Variants in MACROD2 observed in about 807,000 individuals in gnomAD.
MACROD2 encodes ADP-ribose glycohydrolase MACROD2.
Under a neutral mutation model 70.4 loss-of-function variants are expected in MACROD2, and 36 were observed. The ratio of observed to expected loss-of-function variants is 0.51; its 90% CI spans 0.39 to 0.68. The LOEUF is 0.68. MACROD2 is among the 30% of genes least tolerant of loss of function. The pLI is 0.00. For synonymous variants in MACROD2, 172 were observed against 178.8 expected (o/e 0.96, Z 0.30); for missense variants, 496 against 538.4 (o/e 0.92, Z 0.78).
intron 5 of MACROD2, among the ~76,000 whole-genome samples, chr20:15,075,008 A>G (rs887882043): frequency 2.0e-5 from 3 of 152,196 alleles, no homozygotes; most frequent in African/African-American, 7.2e-5. Context: ...AGTAAGTAGA[A>G]TTTGAATTTG....
intron 6 of MACROD2, among the ~76,000 whole-genome samples, chr20:15,431,039 G>C (rs79956527): frequency 6.6e-6 from 1 of 151,966 alleles, no homozygotes; most frequent in Non-Finnish European, 1.5e-5. Context: ...AAGAGCATAG[G>C]TAATAGTCAA....
intron 4 of MACROD2, among the ~76,000 whole-genome samples, chr20:14,578,813 G>A (rs2103958): frequency 0.015 from 2,258 of 152,234 alleles, 62 homozygotes; most frequent in African/African-American, 0.052. Context: ...CACTGTAGAT[G>A]GATAATAATT....
At chr20:14,360,456 AT>A (rs1426055206) in intron 3 of MACROD2, among the ~76,000 whole-genome samples, 10 of 152,292 alleles carry the variant, frequency 6.6e-5, no homozygotes, top group African/African-American at 2.4e-4. Context: ...TAGGCAGCAA[AT>A]TGATACATTT....
chr20:15,235,623 T>C (rs1389676415), intron 6 of MACROD2, among the ~76,000 whole-genome samples: 1 of 152,236 alleles, frequency 6.6e-6, no homozygotes, highest in African/African-American at 2.4e-5. Flanking sequence ...GTGAATCTTA[T>C]TTTCTTATAC....
At chr20:14,507,993 T>C (rs1471418142) in intron 4 of MACROD2, among the ~76,000 whole-genome samples, 1 of 152,142 alleles carries the variant, frequency 6.6e-6, no homozygotes, top group Non-Finnish European at 1.5e-5. Context: ...TGTGAAATCA[T>C]GCAAACATTA....
intron 6 of MACROD2, among the ~76,000 whole-genome samples, chr20:15,278,519 T>C (rs1331427914): frequency 1.3e-5 from 2 of 152,186 alleles, no homozygotes; most frequent in Non-Finnish European, 2.9e-5. Context: ...GCTTAACTTA[T>C]CCTAGTCTCA....
At chr20:15,752,693 T>C (rs1368795192) in intron 8 of MACROD2, among the ~76,000 whole-genome samples, 1 of 152,188 alleles carries the variant, frequency 6.6e-6, no homozygotes, top group Non-Finnish European at 1.5e-5. Flanking sequence ...GCTACCCCTC[T>C]GTGATGTGAT....
At chr20:14,968,270 C>T (rs1289913240) in intron 5 of MACROD2, among the ~76,000 whole-genome samples, 7 of 152,094 alleles carry the variant, frequency 4.6e-5, no homozygotes, top group African/African-American at 1.4e-4. Flanking sequence ...ATGATACTCC[C>T]GTTAAATGTG....
chr20:14,093,958 A>G lies in MACROD2; in HGVS notation c.271+8230A>G, dbSNP rs555743498. ...GAGGCCAGATCATGAAGTGCTTTGT[A>G]TGTCACTTTGAGGGCTGAGGTTTTT... On this transcript the variant is annotated intron_variant, in intron 3 of 17. Coordinates refer to ENST00000684519, the MANE Select transcript of MACROD2 (RefSeq NM_001351661.2). 2.6e-5 allele frequency among the ~76,000 whole-genome samples: 4 copies of G among 151,846 alleles called. No homozygotes were observed. The South Asian group carries it at 8.3e-4, about 32-fold the overall frequency.
intron 3 of MACROD2, among the ~76,000 whole-genome samples, chr20:14,153,003 G>A (rs1203102850): frequency 2.0e-5 from 3 of 152,076 alleles, no homozygotes; most frequent in Non-Finnish European, 4.4e-5. Context: ...GGATGAATGG[G>A]TAGTTATAGA....
chr20:14,491,496 C>T (rs769413367), intron 3 of MACROD2, among the ~76,000 whole-genome samples: 19 of 152,096 alleles, frequency 1.2e-4, no homozygotes, highest in Non-Finnish European at 2.5e-4. Flanking sequence ...AGTTCTATAG[C>T]GAAGTTAAAA....
At position 14,813,186 on chromosome 20, in the gene MACROD2, A is replaced by T. The variant is rs537294384; in HGVS notation, c.418+128227A>T. Among the ~76,000 whole-genome samples, 1,082 of 150,666 alleles carry T rather than the reference A, an allele frequency of 7.2e-3. 17 individuals carry two copies. Among genetic ancestry groups the T allele is most frequent in the African/African-American group, 0.023 (952 of 41,034 alleles). On this transcript the variant is annotated intron_variant, in intron 5 of 17. Coordinates refer to ENST00000684519, the MANE Select transcript of MACROD2 (RefSeq NM_001351661.2). Reference sequence around the variant, plus strand: ...TGAAAATTAATAATTTCTTTTTTTTAAATTTTATTTTATTTTAAGTTCCAG... The same window carrying T: ...TGAAAATTAATAATTTCTTTTTTTTTAATTTTATTTTATTTTAAGTTCCAG...
At chr20:15,558,895 T>C (rs1014536045) in intron 8 of MACROD2, among the ~76,000 whole-genome samples, 3 of 152,206 alleles carry the variant, frequency 2.0e-5, no homozygotes, top group African/African-American at 7.2e-5. Context: ...AAACATTTTG[T>C]TGAATTATTG....
intron 5 of MACROD2, among the ~76,000 whole-genome samples, chr20:15,085,086 C>G (rs1601049182): frequency 6.6e-6 from 1 of 152,040 alleles, no homozygotes; most frequent in Admixed American, 6.6e-5. Flanking sequence ...AACTGAGACT[C>G]CCTGAGTAAA....
Position 15,169,820 on chromosome 20 carries a change from C to T in MACROD2, c.419-60120C>T, listed in dbSNP as rs564283064. 1.1e-3 allele frequency among the ~76,000 whole-genome samples: 161 copies of T among 151,772 alleles called. 5 individuals carry two copies. The South Asian group carries it at 0.032, about 31-fold the overall frequency. The stretch of plus-strand genomic sequence containing the variant: ...GTGGGCATTTCCCTCAGAGACAATT[C>T]TGGTCTTTTAATGAAGATGAATGTA... On this transcript the variant is annotated intron_variant, in intron 5 of 17. Coordinates refer to ENST00000684519, the MANE Select transcript of MACROD2 (RefSeq NM_001351661.2).
chr20:14,774,815 C>A (rs1165974671), intron 5 of MACROD2, among the ~76,000 whole-genome samples: 1 of 152,054 alleles, frequency 6.6e-6, no homozygotes, highest in East Asian at 1.9e-4. Flanking sequence ...AGTTTTCATA[C>A]TTTTTGAATT....
intron 5 of MACROD2, among the ~76,000 whole-genome samples, chr20:14,707,375 A>G (rs2071281855): frequency 6.6e-6 from 1 of 152,182 alleles, no homozygotes; most frequent in Non-Finnish European, 1.5e-5. Context: ...CATAAATATT[A>G]CATCTTAACC....
At chr20:15,346,527 G>T (rs149868178) in intron 6 of MACROD2, among the ~76,000 whole-genome samples, 1 of 152,094 alleles carries the variant, frequency 6.6e-6, no homozygotes, top group East Asian at 1.9e-4. Flanking sequence ...TCCATTCTTC[G>T]TTCATAGAGC....
intron 5 of MACROD2, among the ~76,000 whole-genome samples, chr20:14,991,544 A>G (rs754419749): frequency 2.3e-4 from 35 of 152,202 alleles, no homozygotes; most frequent in Non-Finnish European, 4.1e-4. Context: ...AATGCTCCCA[A>G]TGACTCTGAC....
Sources: gnomAD v4.1 joint callset for allele counts (sites outside exome capture counted in the v4.1 genomes callset) on GRCh38, gnomAD v4.1.1 for gene constraint, MANE v1.5 for transcripts, NCBI Gene and HGNC (gene_info 2026-07-23, HGNC 2026-07-21) for gene names.